The following TIAM2 variants were observed in gnomAD, a reference collection of about 807,000 sequenced individuals.
The protein encoded by TIAM2 is TIAM Rac1 associated GEF 2.
TIAM2 carries 80 observed loss-of-function variants against 152.9 expected under a neutral mutation model. The ratio of observed to expected loss-of-function variants is 0.52; its 90% CI spans 0.44 to 0.63. TIAM2 has a LOEUF of 0.63. TIAM2 is among the 30% of genes least tolerant of loss of function. TIAM2 has a pLI of 0.00. For missense variants in TIAM2, 1,965 were observed against 2,120.1 expected, an observed-to-expected ratio of 0.93 and a Z score of 1.44; for synonymous variants, 804 against 838.0, an observed-to-expected ratio of 0.96 and a Z score of 0.70.
At position 155,144,768 on chromosome 6, in the gene TIAM2, A is replaced by T; in HGVS notation, c.1793A>T (p.Tyr598Phe). The change falls in exon 6 of 27, where the codon TAC (tyrosine) becomes TTC (phenylalanine). Residue 598 changes from tyrosine (Y) to phenylalanine (F), a missense_variant. Transcript: ENST00000682666. ...FCLSNSFGDV[Y>F]LFQATSQTDL... ...CTCAGCAACTCCTTTGGAGATGTCT[A>T]CCTTTTCCAGGTACTGCTGGTACTT... 6.2e-7 allele frequency: 1 copy of T among 1,609,512 alleles called. No individual in the cohort carries two copies. The highest frequency in any genetic ancestry group is 2.2e-5 in the East Asian group (1 of 44,600).
intron 7 of TIAM2, among the ~76,000 whole-genome samples, chr6:155,162,965 C>A (rs1051776658): frequency 3.3e-5 from 5 of 152,072 alleles, no homozygotes; most frequent in Non-Finnish European, 7.3e-5. Flanking sequence ...AGTTGTGCAG[C>A]GACCAACCTA....
intron 7 of TIAM2, among the ~76,000 whole-genome samples, chr6:155,161,783 G>A (rs1302654855): frequency 6.6e-6 from 1 of 150,616 alleles, no homozygotes; most frequent in Non-Finnish European, 1.5e-5. Context: ...TCACCATGTT[G>A]GTCAGGCTGG....
Position 155,219,001 on chromosome 6 carries a change from G to GCCCACCCA in TIAM2, c.3168+7694_3168+7695insCCCACCCA, listed in dbSNP as rs1365505509. On this transcript the variant is annotated intron_variant, in intron 15 of 26. Transcript: ENST00000682666. ...ACCCGTGTTCTTGACCATCTCAGCC[G>GCCCACCCA]TGTTCTTGACCATCTCAGCCGCCCA... Among the ~76,000 whole-genome samples, 111 of 141,190 alleles carry GCCCACCCA rather than the reference G, an allele frequency of 7.9e-4. No homozygotes were observed. In the Middle Eastern group the frequency reaches 0.015, roughly 19 times the overall value. 92.6% of individuals were successfully genotyped at this position (141,190 alleles called of 152,430 possible). A position where few individuals can be genotyped will look rare whatever the true frequency, so the allele number is the denominator to read the frequency against.
intron 1 of TIAM2, among the ~76,000 whole-genome samples, chr6:155,035,381 C>A (rs904198859): frequency 6.6e-6 from 1 of 151,912 alleles, no homozygotes; most frequent in Non-Finnish European, 1.5e-5. Context: ...GCCACCATAC[C>A]GGCTAATTTT....
Position 155,244,677 on chromosome 6 carries a change from GT to G in TIAM2, c.3440del (p.Leu1147CysfsTer28), listed in dbSNP as rs750941802. On this transcript the variant is annotated frameshift_variant, in exon 18 of 27. Transcript: ENST00000682666. LOFTEE classifies it high-confidence loss of function. ...TQDEMESLFG[S>X]LPEMLEFQKV... ...ACATAGATGGAGTCACTTTTTGGAA[GT>G]TTGCCAGAGATGCTTGAGTTTCAGA... 3 of 1,613,568 alleles carry G rather than the reference GT, an allele frequency of 1.9e-6. No individual in the cohort carries two copies. In the African/African-American group the frequency reaches 4.0e-5, roughly 22 times the overall value.
Position 155,165,290 on chromosome 6 carries a change from C to T in TIAM2, c.2242C>T (p.Arg748Trp), listed in dbSNP as rs550597056. Residue 748 changes from arginine (R) to tryptophan (W), a missense_variant, in exon 9 of 27, where the codon CGG (arginine) becomes TGG (tryptophan). By Grantham distance (101) the Arg-to-Trp change is moderately radical. Around this residue, in one of 3 missense-constraint regions of TIAM2, gnomAD observed 1,025 missense variants for 1,119.4 expected, o/e 0.92. Coordinates refer to ENST00000682666, the MANE Select transcript of TIAM2 (RefSeq NM_012454.4). ...LVCSRDDSAL[R>W]KRTLSLTQRG... ...ATGTTCTAGAGATGACTCTGCTCTCCGGAAAAGGACACTGTCACTGACCCA... is the reference window on the plus strand; with the variant it reads ...ATGTTCTAGAGATGACTCTGCTCTCTGGAAAAGGACACTGTCACTGACCCA... 101 of 1,613,796 alleles carry T rather than the reference C, an allele frequency of 6.3e-5. No homozygotes were observed. The highest frequency in any genetic ancestry group is 5.8e-4 in the South Asian group (53 of 91,054).
At chr6:155,253,147 G>A in intron 24 of TIAM2, 94 bp downstream of exon 24, 1 of 1,086,750 alleles carries the variant, frequency 9.2e-7, no homozygotes, top group East Asian at 2.6e-5. Flanking sequence ...GATAATTTTT[G>A]GTGCCTTTTA....
rs951923025 is a variant in TIAM2 at position 155,028,030 on chromosome 6, T to C, written c.-209+32538T>C. On this transcript the variant is annotated intron_variant, in intron 1 of 26. Transcript: ENST00000682666. ...AATATATGTACTGTGTTATATACTA[T>C]ATATAATATATGTACTGTGTTACAT... Among the ~76,000 whole-genome samples, 195 of 102,076 alleles carry C rather than the reference T, an allele frequency of 1.9e-3. 1 individual carries two copies. Among genetic ancestry groups the C allele is most frequent in the African/African-American group, 8.0e-3 (177 of 22,184 alleles). 67.0% of individuals were successfully genotyped at this position (102,076 alleles called of 152,430 possible). A position where few individuals can be genotyped will look rare whatever the true frequency, so the allele number is the denominator to read the frequency against.
intron 1 of TIAM2, among the ~76,000 whole-genome samples, chr6:155,050,163 A>G (rs902271455): frequency 6.6e-6 from 1 of 152,094 alleles, no homozygotes; most frequent in Admixed American, 6.5e-5. Flanking sequence ...CAGTATTGGC[A>G]TGGGATTACT....
In TIAM2 at chr6:155,216,502, C is replaced by T. The variant is rs1781864874; in HGVS notation, c.3168+5195C>T. ...GGTTCCTAATTGATTGGCTTCTTCT[C>T]TGTAAGGGTGCCTATTACTGTCATA... On this transcript the variant is annotated intron_variant, in intron 15 of 26. Coordinates refer to ENST00000682666, the MANE Select transcript of TIAM2 (RefSeq NM_012454.4). 2 of 152,450 alleles carry T rather than the reference C, an allele frequency of 1.3e-5. 1 individual carries two copies. Among genetic ancestry groups the T allele is most frequent in the South Asian group, 4.1e-4 (2 of 4,840 alleles). 9.4% of individuals were successfully genotyped at this position (152,450 alleles called of 1,614,324 possible).
At chr6:155,256,211 A>G in intron 26 of TIAM2, 1 of 577,262 alleles carries the variant, frequency 1.7e-6, no homozygotes, top group Non-Finnish European at 3.0e-6. Context: ...ATCTTAGCCC[A>G]TGTAGTAGTT....
chr6:155,134,626 G>A (rs1779517730), intron 4 of TIAM2, among the ~76,000 whole-genome samples: 1 of 151,970 alleles, frequency 6.6e-6, no homozygotes, highest in South Asian at 2.1e-4. Context: ...TGAGTCAGAG[G>A]GACATATTTA....
At chr6:155,117,731 C>T (rs1237516838) in intron 2 of TIAM2, among the ~76,000 whole-genome samples, 2 of 152,138 alleles carry the variant, frequency 1.3e-5, no homozygotes, top group Non-Finnish European at 2.9e-5. Context: ...GCACGAGCCA[C>T]TGTGCCTGGC....
In TIAM2 at chr6:155,210,226, T is replaced by C. The variant is rs570019730; in HGVS notation, c.3065-978T>C. ...ATTTCATATTATTTAAATTTTTTAA[T>C]GTTTTAATTTTTAATTTACTTAAAT... On this transcript the variant is annotated intron_variant, in intron 14 of 26. Transcript: ENST00000682666. 2.0e-5 allele frequency among the ~76,000 whole-genome samples: 3 copies of C among 152,158 alleles called. No homozygotes were observed. In the East Asian group the frequency reaches 5.8e-4, roughly 29 times the overall value.
chr6:155,131,527 A>C (rs1315801701), intron 4 of TIAM2, among the ~76,000 whole-genome samples: 3 of 152,014 alleles, frequency 2.0e-5, no homozygotes. Flanking sequence ...TTCTATGCTT[A>C]AGTTGGTACA....
intron 18 of TIAM2, among the ~76,000 whole-genome samples, chr6:155,245,033 C>T (rs556432796): frequency 5.8e-4 from 88 of 152,288 alleles, no homozygotes; most frequent in African/African-American, 2.0e-3. Flanking sequence ...TTGTTGACCA[C>T]GTACGTGCTC....
At chr6:155,177,077 T>G in intron 10 of TIAM2, 100 bp downstream of exon 10, 14 of 1,168,994 alleles carry the variant, frequency 1.2e-5, no homozygotes, top group African/African-American at 1.6e-5. Context: ...AGGGCCCAGT[T>G]TCCATGCCAG....
chr6:155,110,748 G>A (rs1446232915), intron 2 of TIAM2, among the ~76,000 whole-genome samples: 2 of 152,218 alleles, frequency 1.3e-5, no homozygotes, highest in African/African-American at 4.8e-5. Context: ...CCAAGGTGAT[G>A]TAAGGCACTT....
intron 1 of TIAM2, among the ~76,000 whole-genome samples, chr6:155,072,198 A>C (rs1252166666): frequency 6.6e-6 from 1 of 152,196 alleles, no homozygotes. Context: ...GATGACATTG[A>C]AAGGTTTCAA....
Sources: gnomAD v4.1 joint callset for allele counts (sites outside exome capture counted in the v4.1 genomes callset) on GRCh38, gnomAD v4.1.1 for gene constraint, gnomAD v4.1.1 regional missense constraint, MANE v1.5 for transcripts, NCBI Gene and HGNC (gene_info 2026-07-23, HGNC 2026-07-21) for gene names.